CASD1: variants seen among roughly 807,000 people sequenced by gnomAD.
The protein encoded by CASD1 is N-acetylneuraminate (7)9-O-acetyltransferase.
A neutral mutation model predicts 100.0 loss-of-function variants in CASD1; 41 were observed. That is an observed-to-expected ratio of 0.41 (90% CI 0.32 to 0.53). The LOEUF (loss-of-function observed/expected upper bound fraction) is 0.53, where lower values mean the gene tolerates loss of function less well. CASD1 is among the 20% of genes least tolerant of loss of function. CASD1 has a pLI of 0.25. For missense variants in CASD1, 774 were observed against 948.7 expected, an observed-to-expected ratio of 0.82 and a Z score of 2.42; for synonymous variants, 321 against 315.6, an observed-to-expected ratio of 1.02 and a Z score of -0.18.
chr7:94,561,908 A>G (rs142398101), downstream of CASD1, among the ~76,000 whole-genome samples: 3 of 152,304 alleles, frequency 2.0e-5, no homozygotes, highest in East Asian at 1.9e-4. Flanking sequence ...GCAAGCACCT[A>G]GCAAAGACCG....
rs185563421 is a variant in CASD1, at chr7:94,526,515, C to T, written c.352-647C>T. On this transcript the variant is annotated intron_variant, in intron 3 of 17. Coordinates refer to ENST00000297273, the MANE Select transcript of CASD1 (RefSeq NM_022900.5). ...TGAATAGTAATACAAGTGCTGGGCA[C>T]GGTGGCACATGCCTTGTAATCCCAG... Among the ~76,000 whole-genome samples the T allele has an allele frequency of 1.1e-3, 160 of 152,322 alleles. 1 individual carries two copies. The South Asian group carries it at 0.011, about 10-fold the overall frequency.
At chr7:94,585,602 G>T in the CASD1 span, 1 of 855,632 alleles carries the variant, frequency 1.2e-6, no homozygotes, top group Non-Finnish European at 2.0e-6. Flanking sequence ...ATGGCAAGGA[G>T]AAAGTTTCCA....
At chr7:94,574,583 A>G in the CASD1 span, among the ~76,000 whole-genome samples, 2 of 150,890 alleles carry the variant, frequency 1.3e-5, no homozygotes, top group African/African-American at 4.9e-5. Flanking sequence ...CATTCCCATC[A>G]TCATTTCTGA....
At chr7:94,563,623 T>G in the CASD1 span, among the ~76,000 whole-genome samples, 3 of 152,140 alleles carry the variant, frequency 2.0e-5, no homozygotes, top group Admixed American at 6.6e-5. Flanking sequence ...ATTTTTTGTT[T>G]TATCAAATCC....
chr7:94,577,928 G>T, the CASD1 span, among the ~76,000 whole-genome samples: 1 of 152,134 alleles, frequency 6.6e-6, no homozygotes, highest in Non-Finnish European at 1.5e-5. Context: ...CCTTTGTTCT[G>T]TCTCTTTTGG....
At chr7:94,576,886 A>G in the CASD1 span, among the ~76,000 whole-genome samples, 3 of 152,318 alleles carry the variant, frequency 2.0e-5, no homozygotes, top group South Asian at 2.1e-4. Flanking sequence ...GAGTCTTTCT[A>G]CTGAATCATT....
At chr7:94,573,739 G>T in the CASD1 span, among the ~76,000 whole-genome samples, 2 of 152,178 alleles carry the variant, frequency 1.3e-5, no homozygotes, top group Admixed American at 1.3e-4. Context: ...TTGCTTGATT[G>T]TTCTGGCTAG....
the CASD1 span, among the ~76,000 whole-genome samples, chr7:94,610,226 A>G: frequency 6.6e-6 from 1 of 152,196 alleles, no homozygotes; most frequent in Admixed American, 6.5e-5. Flanking sequence ...AACAGGTGGG[A>G]CATAGATGAC....
chr7:94,571,651 C>T, the CASD1 span, among the ~76,000 whole-genome samples: 663 of 152,076 alleles, frequency 4.4e-3, 2 homozygotes, highest in Admixed American at 0.01. Flanking sequence ...AACTTAGATA[C>T]GTAGTTAAAG....
At chr7:94,552,291 A>G (rs1584435679) in intron 15 of CASD1, 59 bp from the exon 16 acceptor site, 1 of 1,099,526 alleles carries the variant, frequency 9.1e-7, no homozygotes, top group Non-Finnish European at 1.4e-6. Flanking sequence ...AAACACTGTG[A>G]GGCTTATGCC....
chr7:94,568,132 A>C, the CASD1 span, among the ~76,000 whole-genome samples: 18 of 152,174 alleles, frequency 1.2e-4, no homozygotes, highest in African/African-American at 3.6e-4. Context: ...CATTGTATGA[A>C]ATAATATATT....
intron 1 of CASD1, among the ~76,000 whole-genome samples, chr7:94,510,572 G>A (rs1793648734): frequency 6.6e-6 from 1 of 152,176 alleles, no homozygotes; most frequent in Non-Finnish European, 1.5e-5. Context: ...GCAGGAAGTC[G>A]GACAGGCGGT....
chr7:94,561,992 A>C (rs1346573944), downstream of CASD1, among the ~76,000 whole-genome samples: 1 of 152,174 alleles, frequency 6.6e-6, no homozygotes, highest in Non-Finnish European at 1.5e-5. Flanking sequence ...ATTGCAGGAC[A>C]TTCTATAAAC....
In CASD1 at chr7:94,555,664, A is replaced by T; in HGVS notation, c.2300A>T (p.Asp767Val). 1 of 1,613,428 alleles carries T rather than the reference A, an allele frequency of 6.2e-7. No individual in the cohort carries two copies. The highest frequency in any genetic ancestry group is 1.1e-5 in the South Asian group (1 of 91,064). The stretch of plus-strand genomic sequence containing the variant: ...CTTGCACAGATTATTATTCCTAAAG[A>T]TAACTCATCTCTCTTGAAAAGGTTG... ...NDLAQIIIPK[D>V]NSSLLKRLAC... Residue 767 changes from aspartate (D) to valine (V), a missense_variant, in exon 18 of 18, where the codon GAT (aspartate) becomes GTT (valine). By Grantham distance (152) the Asp-to-Val change is radical. Around this residue, in one of 5 missense-constraint regions of CASD1, gnomAD observed 175 missense variants for 206.9 expected, o/e 0.85. Coordinates refer to ENST00000297273, the MANE Select transcript of CASD1 (RefSeq NM_022900.5).
intron 7 of CASD1, among the ~76,000 whole-genome samples, chr7:94,534,797 C>A (rs1245284742): frequency 6.6e-6 from 1 of 151,938 alleles, no homozygotes; most frequent in African/African-American, 2.4e-5. Context: ...CTTTCTCATA[C>A]CAAAATGAGG....
chr7:94,599,115 A>G, the CASD1 span: 2 of 602,340 alleles, frequency 3.3e-6, no homozygotes, highest in Non-Finnish European at 5.8e-6. Flanking sequence ...TCAGAAAGGC[A>G]TACATCTCAC....
At chr7:94,608,025 C>A in the CASD1 span, among the ~76,000 whole-genome samples, 2 of 152,078 alleles carry the variant, frequency 1.3e-5, no homozygotes, top group Non-Finnish European at 2.9e-5. Context: ...TTCCTATATA[C>A]CAGCATGAAC....
chr7:94,592,414 T>C, the CASD1 span, among the ~76,000 whole-genome samples: 2 of 152,136 alleles, frequency 1.3e-5, no homozygotes, highest in African/African-American at 4.8e-5. Context: ...CCTATAATCC[T>C]TCCAAGGAGG....
At chr7:94,524,245 A>G (rs1794431022) in intron 3 of CASD1, 1 of 152,132 alleles carries the variant, frequency 6.6e-6, no homozygotes, top group South Asian at 2.1e-4. Context: ...ATACCTTAAG[A>G]TAAAGAGTAT....
Sources: gnomAD v4.1 joint callset for allele counts (sites outside exome capture counted in the v4.1 genomes callset) on GRCh38, gnomAD v4.1.1 for gene constraint, gnomAD v4.1.1 regional missense constraint, MANE v1.5 for transcripts, NCBI Gene and HGNC (gene_info 2026-07-23, HGNC 2026-07-21) for gene names.